Variants in HNRNPH3 observed in about 807,000 individuals in gnomAD.
The protein encoded by HNRNPH3 is heterogeneous nuclear ribonucleoprotein H3, also known as heterogeneous nuclear ribonucleoprotein 2H9.
In HNRNPH3, 7 loss-of-function variants were observed where a neutral mutation model predicts 47.0. The ratio of observed to expected loss-of-function variants is 0.15; its 90% CI spans 0.08 to 0.28. HNRNPH3 has a LOEUF of 0.28. Ranked by LOEUF, HNRNPH3 falls within the 10% of genes least tolerant of loss-of-function variation. The pLI is 1.00. For missense variants in HNRNPH3, 279 were observed against 449.6 expected (o/e 0.62, Z 3.43); for synonymous variants, 120 against 143.2 (o/e 0.84, Z 1.16).
intron 6 of HNRNPH3, among the ~76,000 whole-genome samples, chr10:68,340,802 T>G (rs547731501): frequency 8.9e-6 from 1 of 112,760 alleles, no homozygotes; most frequent in African/African-American, 3.5e-5. Context: ...CTCTGTGTGT[T>G]TGTGTGCTTT....
At chr10:68,339,737 G>A (rs1340640937) in intron 6 of HNRNPH3, among the ~76,000 whole-genome samples, 182 bp downstream of exon 6, 1 of 151,864 alleles carries the variant, frequency 6.6e-6, no homozygotes, top group Non-Finnish European at 1.5e-5. Flanking sequence ...TGAGTGCAGT[G>A]GTGTGATCTC....
intron 1 of HNRNPH3, among the ~76,000 whole-genome samples, chr10:68,332,443 A>C (rs1207513903): frequency 6.6e-6 from 1 of 152,198 alleles, no homozygotes; most frequent in Admixed American, 6.5e-5. Flanking sequence ...GACGACGCCG[A>C]GGCCCGAAGT....
rs1265765101 is a variant in HNRNPH3, at chr10:68,339,173, A to G, written c.470A>G (p.Asn157Ser). The stretch of plus-strand genomic sequence containing the variant: ...GGTTTTGATGACTATGGTGGCTATA[A>G]TAATTACGGCTATGGGAATGATGGC... ...YGGFDDYGGY[N>S]NYGYGNDGFD... is the part of the protein sequence containing the mutation. Residue 157 changes from asparagine (N) to serine (S), a missense_variant, in exon 5 of 10, where the codon AAT becomes AGT. Physicochemically the swap from Asn to Ser is conservative, Grantham distance 46. Coordinates refer to ENST00000265866, the MANE Select transcript of HNRNPH3 (RefSeq NM_012207.3). 1 of 1,610,870 alleles carries G rather than the reference A, an allele frequency of 6.2e-7. No homozygotes were observed. Among genetic ancestry groups the G allele is most frequent in the Non-Finnish European group, 8.5e-7 (1 of 1,177,200 alleles).
chr10:68,332,760 C>T (rs1039560653), intron 1 of HNRNPH3: 2 of 152,308 alleles, frequency 1.3e-5, no homozygotes, highest in African/African-American at 4.8e-5. Context: ...GGCCTCCCTT[C>T]CTCCGCAGTC....
rs745792515 is a variant in HNRNPH3, at chr10:68,342,024, G to A, written c.1011G>A (p.Met337Ile). 6 of 1,614,088 alleles carry A rather than the reference G, an allele frequency of 3.7e-6. No homozygotes were observed. The South Asian group carries it at 6.6e-5, about 18-fold the overall frequency. Residue 337 changes from methionine to isoleucine, a missense_variant, in exon 10 of 10, where the codon ATG (methionine) becomes ATA (isoleucine). This residue lies in a region of HNRNPH3 where 239 missense variants were observed against 335.8 expected (regional missense o/e 0.71). Coordinates refer to ENST00000265866, the MANE Select transcript of HNRNPH3 (RefSeq NM_012207.3). The part of the protein sequence containing the change: ...GSGGYYGQGG[M>I]SGGGWRGMY ...GAGGTTACTATGGGCAAGGCGGCAT[G>A]AGTGGAGGTGGATGGCGTGGGATGT...
At chr10:68,341,945 C>A in intron 9 of HNRNPH3, 33 bp from the exon 10 acceptor site, 1 of 1,606,844 alleles carries the variant, frequency 6.2e-7, no homozygotes, top group Non-Finnish European at 8.5e-7. Flanking sequence ...CAGATATCTC[C>A]TGCTGAGTGA....
chr10:68,338,232 T>C, intron 3 of HNRNPH3: 1 of 458,554 alleles, frequency 2.2e-6, no homozygotes, highest in South Asian at 4.6e-5. Flanking sequence ...TGCTTTTGTA[T>C]AATCACCTAT....
chr10:68,339,253 A>G, intron 5 of HNRNPH3, 27 bp downstream of exon 5: 1 of 1,577,988 alleles, frequency 6.3e-7, no homozygotes, highest in Non-Finnish European at 8.7e-7. Flanking sequence ...AGACATTTTT[A>G]TTCATAGGTA....
At chr10:68,333,298 T>C (rs2045321009) in intron 1 of HNRNPH3, among the ~76,000 whole-genome samples, 1 of 151,628 alleles carries the variant, frequency 6.6e-6, no homozygotes, top group Non-Finnish European at 1.5e-5. Flanking sequence ...GGGTGGGTGA[T>C]GTAGCAATTG....
chr10:68,336,086 T>C (rs2045531134), intron 1 of HNRNPH3, among the ~76,000 whole-genome samples: 1 of 152,144 alleles, frequency 6.6e-6, no homozygotes, highest in African/African-American at 2.4e-5. Context: ...CACCAACAAA[T>C]AGATGACATG....
intron 1 of HNRNPH3, among the ~76,000 whole-genome samples, chr10:68,335,311 C>T (rs2134664270): frequency 6.7e-6 from 1 of 149,872 alleles, no homozygotes; most frequent in East Asian, 2.0e-4. Flanking sequence ...AGATTAAGGT[C>T]GAATTTGCAG....
At chr10:68,340,863 C>T (rs986474707) in intron 6 of HNRNPH3, among the ~76,000 whole-genome samples, 2 of 151,410 alleles carry the variant, frequency 1.3e-5, no homozygotes, top group Admixed American at 6.6e-5. Flanking sequence ...AGTGCAGTGG[C>T]GTGATCTCTG....
At chr10:68,339,953 A>C (rs560733530) in intron 6 of HNRNPH3, among the ~76,000 whole-genome samples, 2 of 152,334 alleles carry the variant, frequency 1.3e-5, no homozygotes, top group South Asian at 4.1e-4. Flanking sequence ...AAGTCCAGTT[A>C]AGAGTATAAT....
chr10:68,339,534 A>G lies in HNRNPH3; in HGVS notation c.618A>G (p.Ala206=). 6.2e-7 allele frequency: 1 copy of G among 1,612,072 alleles called. No individual in the cohort carries two copies. Among genetic ancestry groups the G allele is most frequent in the Non-Finnish European group, 8.5e-7 (1 of 1,178,190 alleles). ...FVHMRGLPFR[A]TENDIANFFS... is the part of the protein sequence containing the mutation. ...ATATGAGAGGGTTGCCTTTTCGTGCAACTGAAAATGACATTGCTAATGTGA... is the reference window on the plus strand; with the variant it reads ...ATATGAGAGGGTTGCCTTTTCGTGCGACTGAAAATGACATTGCTAATGTGA... Residue 206 remains alanine, a synonymous_variant, in exon 6 of 10, where the codon GCA becomes GCG. Transcript: ENST00000265866.
chr10:68,334,824 G>T (rs973691127), intron 1 of HNRNPH3, among the ~76,000 whole-genome samples: 18 of 152,224 alleles, frequency 1.2e-4, no homozygotes, highest in Admixed American at 2.6e-4. Flanking sequence ...AAGAAAGGTT[G>T]AGGTGGATTA....
rs1384924007 is a variant in HNRNPH3 at position 68,341,766 on chromosome 10, G to C, written c.879G>C (p.Gln293His). 2 of 1,602,430 alleles carry C rather than the reference G, an allele frequency of 1.2e-6. No individual in the cohort carries two copies. Among genetic ancestry groups the C allele is most frequent in the South Asian group, 2.2e-5 (2 of 89,108 alleles). Reference protein sequence around the residue: ...GGYGRDGMDNQGGYGSVGRMG... With the variant: ...GGYGRDGMDNHGGYGSVGRMG... ...TCTTTTTTCTTTTTAAAGATAATCA[G>C]GGAGGCTATGGATCAGTTGGAAGAA... Residue 293 changes from glutamine to histidine, a missense_variant, in exon 9 of 10, where the codon CAG becomes CAC. Gln to His is a conservative substitution (Grantham distance 24). Transcript: ENST00000265866.
chr10:68,332,458 G>A (rs904516542), intron 1 of HNRNPH3, among the ~76,000 whole-genome samples: 9 of 152,238 alleles, frequency 5.9e-5, no homozygotes, highest in African/African-American at 2.2e-4. Flanking sequence ...CGAAGTAGGG[G>A]ACATCCAGCA....
At position 68,337,487 on chromosome 10, in the gene HNRNPH3, ATAT is replaced by A; in HGVS notation, c.112+156_112+158del. On this transcript the variant is annotated intron_variant, in intron 2 of 9. Coordinates refer to ENST00000265866, the MANE Select transcript of HNRNPH3 (RefSeq NM_012207.3). The surrounding 1 kb of genome is among the most constrained non-coding windows in gnomAD (Gnocchi z 4.5). Reference sequence around the variant, plus strand: ...GTATTAAAATAATATGCTCCAGTTAATATTCAATACAGAATGTGTAGAATATGT... The same window carrying A: ...GTATTAAAATAATATGCTCCAGTTAATCAATACAGAATGTGTAGAATATGT... The A allele has an allele frequency of 1.7e-6, 1 of 592,388 alleles. No individual in the cohort carries two copies. The highest frequency in any genetic ancestry group is 3.0e-6 in the Non-Finnish European group (1 of 334,184). The allele number at this position is 592,388 out of a possible 1,614,324, so 36.7% of individuals were successfully genotyped here. A position where few individuals can be genotyped will look rare whatever the true frequency, so the allele number is the denominator to read the frequency against.
chr10:68,332,788 G>C (rs1564746306), intron 1 of HNRNPH3: 2 of 152,306 alleles, frequency 1.3e-5, no homozygotes, highest in Non-Finnish European at 2.9e-5. Flanking sequence ...GGCTACCTGG[G>C]CTGACGGGAC....
Sources: allele counts gnomAD v4.1 joint callset (sites outside exome capture counted in the v4.1 genomes callset), GRCh38; gene constraint gnomAD v4.1.1; regional missense constraint gnomAD v4.1.1; non-coding constraint Gnocchi (gnomAD v3.1); transcripts MANE v1.5; gene names NCBI Gene and HGNC (gene_info 2026-07-23, HGNC 2026-07-21).